Variants in PROCR observed in about 807,000 individuals in gnomAD.
PROCR encodes protein C receptor.
In PROCR, 22 loss-of-function variants were observed where a neutral mutation model predicts 24.2. The observed-to-expected ratio is 0.91, with a 90% confidence interval of 0.65 to 1.30. The LOEUF is 1.30. PROCR is among the 50% of genes most tolerant of loss of function. The pLI, the probability that PROCR is intolerant of heterozygous loss-of-function variation, is 0.00. For synonymous variants in PROCR, 137 were observed against 139.2 expected (o/e 0.98, Z 0.11); for missense variants, 288 against 307.7 (o/e 0.94, Z 0.48).
chr20:35,178,717 A>G (rs1222983814), downstream of PROCR, among the ~76,000 whole-genome samples: 3 of 139,640 alleles, frequency 2.1e-5, no homozygotes, highest in Non-Finnish European at 4.6e-5. Context: ...GGGTTTCACC[A>G]TTTTAGCCGG....
At chr20:35,197,124 CT>C (rs1203652192) in intron 1 of PROCR, among the ~76,000 whole-genome samples, 4 of 152,128 alleles carry the variant, frequency 2.6e-5, no homozygotes, top group South Asian at 2.1e-4. Context: ...GTATTTCAAA[CT>C]TGTTTTTTCT....
chr20:35,209,296 T>G (rs1421036858), intron 1 of PROCR, among the ~76,000 whole-genome samples: 1 of 152,110 alleles, frequency 6.6e-6, no homozygotes, highest in African/African-American at 2.4e-5. Flanking sequence ...ACTGGGCAGA[T>G]AGAGCACTGT....
upstream of PROCR, among the ~76,000 whole-genome samples, chr20:35,171,730 T>C (rs527667949): frequency 2.6e-5 from 4 of 152,146 alleles, no homozygotes; most frequent in Non-Finnish European, 4.4e-5. Flanking sequence ...AATCTCCCCA[T>C]CAGCAACCTG....
chr20:35,209,205 T>C (rs766848872), intron 1 of PROCR, among the ~76,000 whole-genome samples: 1 of 152,130 alleles, frequency 6.6e-6, no homozygotes, highest in Non-Finnish European at 1.5e-5. Flanking sequence ...TGAAGTAGAA[T>C]TCATAGGAAT....
chr20:35,191,099 C>G (rs1035094178), intron 1 of PROCR, among the ~76,000 whole-genome samples: 5 of 152,106 alleles, frequency 3.3e-5, no homozygotes, highest in Non-Finnish European at 7.4e-5. Context: ...ACCTCATGAT[C>G]CACCTACCTC....
At position 35,176,994 on chromosome 20, in the gene PROCR, A is replaced by G; in HGVS notation, c.*181A>G. ...GAGGGGAGATGGAGAGGAGAGGTGG[A>G]CAAAGTACTTGGTTTGCTAAGAACC... On this transcript the variant is annotated 3_prime_UTR_variant, in exon 4 of 4. Coordinates refer to ENST00000216968, the MANE Select transcript of PROCR (RefSeq NM_006404.5). 1 of 1,455,242 alleles carries G rather than the reference A, an allele frequency of 6.9e-7. No homozygotes were observed. Among genetic ancestry groups the G allele is most frequent in the South Asian group, 1.4e-5 (1 of 73,250 alleles). 90.1% of individuals were successfully genotyped at this position (1,455,242 alleles called of 1,614,324 possible). A position where few individuals can be genotyped will look rare whatever the true frequency, so the allele number is the denominator to read the frequency against.
chr20:35,198,122 A>C (rs1005378373), intron 1 of PROCR, among the ~76,000 whole-genome samples: 4 of 34,128 alleles, frequency 1.2e-4, no homozygotes, highest in Non-Finnish European at 3.5e-4. Flanking sequence ...ATCTCTACTA[A>C]AAAAAAAAAA....
At chr20:35,202,062 T>A (rs1052089644) in intron 1 of PROCR, 2 of 152,182 alleles carry the variant, frequency 1.3e-5, no homozygotes, top group African/African-American at 2.4e-5. Context: ...TGGTTTAATA[T>A]AATGGACATT....
intron 2 of PROCR, among the ~76,000 whole-genome samples, chr20:35,175,479 C>G (rs2069949): frequency 0.082 from 12,359 of 150,104 alleles, 1,805 homozygotes; most frequent in African/African-American, 0.29. Context: ...CTCAAAGACC[C>G]CAATTTCTTT....
At chr20:35,181,694 G>C (rs919447153), downstream of PROCR, among the ~76,000 whole-genome samples, 1 of 152,314 alleles carries the variant, frequency 6.6e-6, no homozygotes, top group Non-Finnish European at 1.5e-5. Context: ...AGTTTACAAA[G>C]AAATTTCATA....
intron 1 of PROCR, chr20:35,201,616 A>C (rs2060318573): frequency 6.6e-6 from 1 of 152,056 alleles, no homozygotes; most frequent in Non-Finnish European, 1.5e-5. Context: ...TGAACCTGGG[A>C]GGCGGAGGTT....
intron 1 of PROCR, among the ~76,000 whole-genome samples, chr20:35,201,313 A>G (rs112329784): frequency 5.3e-4 from 80 of 152,350 alleles, no homozygotes; most frequent in African/African-American, 1.7e-3. Flanking sequence ...AACAAATTGT[A>G]GACCAAAATC....
chr20:35,174,701 G>C lies in PROCR; in HGVS notation c.71-1G>C. 6.2e-7 allele frequency: 1 copy of C among 1,613,940 alleles called. No individual in the cohort carries two copies. The highest frequency in any genetic ancestry group is 8.5e-7 in the Non-Finnish European group (1 of 1,179,994). ...CAGGCTGAAGCTGACTCTGCCCGCAGGCCTCCAAAGACTTCATATGCTCCA... is the reference window on the plus strand; with the variant it reads ...CAGGCTGAAGCTGACTCTGCCCGCACGCCTCCAAAGACTTCATATGCTCCA... On this transcript the variant is annotated splice_acceptor_variant, in intron 1 of 3. Coordinates refer to ENST00000216968, the MANE Select transcript of PROCR (RefSeq NM_006404.5). LOFTEE classifies it high-confidence loss of function.
chr20:35,210,569 G>C (rs1243173882), intron 1 of PROCR, among the ~76,000 whole-genome samples: 1 of 151,956 alleles, frequency 6.6e-6, no homozygotes, highest in East Asian at 1.9e-4. Flanking sequence ...CAAAAATATA[G>C]ACATATTTTT....
In PROCR at chr20:35,176,440, A is replaced by G. The variant is rs772304355; in HGVS notation, c.595A>G (p.Thr199Ala). 9 of 1,613,878 alleles carry G rather than the reference A, an allele frequency of 5.6e-6. No individual in the cohort carries two copies. The East Asian group carries it at 2.0e-4, about 36-fold the overall frequency. The change falls in exon 3 of 4, where the codon ACG becomes GCG. Residue 199 changes from threonine to alanine, a missense_variant. Physicochemically the swap from Thr to Ala is moderately conservative, Grantham distance 58 (BLOSUM62 0). Coordinates refer to ENST00000216968, the MANE Select transcript of PROCR (RefSeq NM_006404.5). ...GCAGAAACATATTTCCGCGGAAAAC[A>G]CGAAAGGTATGATGGGACGGGGCCC... The part of the protein sequence containing the change: ...YVQKHISAEN[T>A]KGSQTSRSYT...
downstream of PROCR, among the ~76,000 whole-genome samples, chr20:35,180,362 G>A (rs375994506): frequency 5.3e-5 from 8 of 152,200 alleles, no homozygotes; most frequent in South Asian, 2.1e-4. Flanking sequence ...TGCCTCAGCT[G>A]TAGAGGACAG....
intron 1 of PROCR, among the ~76,000 whole-genome samples, chr20:35,193,378 G>C (rs952776815): frequency 3.3e-5 from 5 of 152,156 alleles, no homozygotes; most frequent in African/African-American, 1.2e-4. Flanking sequence ...GTTTCACTGT[G>C]TTGGCCAGGA....
chr20:35,196,131 A>G (rs1365566795), intron 1 of PROCR, among the ~76,000 whole-genome samples: 1 of 133,792 alleles, frequency 7.5e-6, no homozygotes, highest in Non-Finnish European at 1.5e-5. Context: ...GCAGTGAGCC[A>G]GGATTGGGCC....
At chr20:35,181,732 C>T (rs1331171443), downstream of PROCR, among the ~76,000 whole-genome samples, 1 of 152,212 alleles carries the variant, frequency 6.6e-6, no homozygotes, top group Non-Finnish European at 1.5e-5. Context: ...CTCCTGCTTT[C>T]TCATTCTCCC....
Sources: allele counts gnomAD v4.1 joint callset (sites outside exome capture counted in the v4.1 genomes callset), GRCh38; gene constraint gnomAD v4.1.1; transcripts MANE v1.5; gene names NCBI Gene and HGNC (gene_info 2026-07-23, HGNC 2026-07-21).